ARFIP1: variants seen among roughly 807,000 people sequenced by gnomAD.
The protein encoded by ARFIP1 is ARF interacting protein 1, also known as arfaptin-1.
In ARFIP1, 24 loss-of-function variants were observed where a neutral mutation model predicts 42.5. The observed-to-expected ratio is 0.57, with a 90% confidence interval of 0.41 to 0.80. ARFIP1 has a LOEUF of 0.80. ARFIP1 is among the 30% of genes least tolerant of loss of function. ARFIP1 has a pLI of 0.00. For synonymous variants in ARFIP1, 141 were observed against 153.7 expected (o/e 0.92, Z 0.61); for missense variants, 354 against 434.0 (o/e 0.82, Z 1.64).
chr4:152,884,448 T>A lies in ARFIP1; in HGVS notation c.791+1568T>A, dbSNP rs188892157. On this transcript the variant is annotated intron_variant, in intron 7 of 8. Coordinates refer to ENST00000353617, the MANE Select transcript of ARFIP1 (RefSeq NM_001025595.3). ...CTAATTTGTTCATAATGGTACTGTT[T>A]CTTTTATCTCTAATCATTTTAAATA... 8.6e-4 allele frequency among the ~76,000 whole-genome samples: 131 copies of A among 152,176 alleles called. 2 individuals carry two copies. The East Asian group carries it at 0.02, about 24-fold the overall frequency.
At chr4:152,811,855 C>T (rs1364246891) in intron 1 of ARFIP1, among the ~76,000 whole-genome samples, 1 of 151,804 alleles carries the variant, frequency 6.6e-6, no homozygotes, top group Admixed American at 6.6e-5. Context: ...CTTATTCTGC[C>T]GATTTGTATG....
chr4:152,827,385 C>T (rs745611653), intron 1 of ARFIP1, among the ~76,000 whole-genome samples: 1 of 152,260 alleles, frequency 6.6e-6, no homozygotes, highest in East Asian at 1.9e-4. Flanking sequence ...GTGGTACATT[C>T]GTTAAAATTG....
At chr4:152,796,337 C>G in intron 1 of ARFIP1, 2 of 754,376 alleles carry the variant, frequency 2.7e-6, no homozygotes, top group Non-Finnish European at 4.6e-6. Flanking sequence ...CCTGATGAAT[C>G]TTTCATATTT....
At chr4:152,880,232 A>G (rs753482863) in intron 5 of ARFIP1, among the ~76,000 whole-genome samples, 1 of 152,088 alleles carries the variant, frequency 6.6e-6, no homozygotes, top group Non-Finnish European at 1.5e-5. Context: ...AATCTCAGCT[A>G]CTTAGGAGGC....
At chr4:152,824,961 C>T (rs964449772) in intron 1 of ARFIP1, among the ~76,000 whole-genome samples, 8 of 151,460 alleles carry the variant, frequency 5.3e-5, no homozygotes, top group South Asian at 2.1e-4. Context: ...TATACACACA[C>T]GCACACCACA....
At position 152,872,441 on chromosome 4, in the gene ARFIP1, T is replaced by C; in HGVS notation, c.299-11T>C. The C allele has an allele frequency of 6.4e-7, 1 of 1,555,992 alleles. No homozygotes were observed. Among genetic ancestry groups the C allele is most frequent in the Non-Finnish European group, 8.8e-7 (1 of 1,131,116 alleles). The stretch of plus-strand genomic sequence containing the variant: ...ATCTGGATTGTGTTTTTATCTTTTG[T>C]TATCTTGCAGGTGGCCAGAGAACAC... On this transcript the variant is annotated splice_polypyrimidine_tract_variant and intron_variant, in intron 4 of 8. Transcript: ENST00000353617.
intron 2 of ARFIP1, among the ~76,000 whole-genome samples, chr4:152,860,704 C>T (rs540737378): frequency 6.6e-6 from 1 of 152,170 alleles, no homozygotes. Context: ...CAATCCCCTC[C>T]GTTTAATTTA....
At chr4:152,831,653 G>C (rs868704318) in intron 2 of ARFIP1, among the ~76,000 whole-genome samples, 2 of 152,110 alleles carry the variant, frequency 1.3e-5, no homozygotes, top group African/African-American at 2.4e-5. Flanking sequence ...GCTTTTGGCT[G>C]TTTCTGAAAT....
intron 8 of ARFIP1, among the ~76,000 whole-genome samples, chr4:152,904,747 A>G (rs1314402940): frequency 6.6e-6 from 1 of 152,052 alleles, no homozygotes; most frequent in East Asian, 1.9e-4. Context: ...TTATGGCTAT[A>G]TAGTATTCCA....
At chr4:152,796,756 TC>T (rs1731494221) in intron 1 of ARFIP1, 1 of 753,552 alleles carries the variant, frequency 1.3e-6, no homozygotes. Context: ...TTCTCGACTT[TC>T]CTTCTTTCTC....
At chr4:152,867,068 G>A (rs1734453245) in intron 3 of ARFIP1, among the ~76,000 whole-genome samples, 1 of 146,532 alleles carries the variant, frequency 6.8e-6, no homozygotes, top group African/African-American at 2.8e-5. Flanking sequence ...GCCAGGCAGA[G>A]ACGCTCCTCA....
chr4:152,882,709 C>T lies in ARFIP1; in HGVS notation c.634-14C>T, dbSNP rs763397460. 6.8e-6 allele frequency: 11 copies of T among 1,609,648 alleles called. No individual in the cohort carries two copies. In the Middle Eastern group the frequency reaches 1.5e-3, roughly 219 times the overall value. On this transcript the variant is annotated splice_polypyrimidine_tract_variant and intron_variant, in intron 6 of 8. Coordinates refer to ENST00000353617, the MANE Select transcript of ARFIP1 (RefSeq NM_001025595.3). Reference sequence around the variant, plus strand: ...TTTATTACTGAATAAATTAAGGTGACTTCTTTGTTTTAGGAAGAATTTGGC... The same window carrying T: ...TTTATTACTGAATAAATTAAGGTGATTTCTTTGTTTTAGGAAGAATTTGGC...
intron 1 of ARFIP1, among the ~76,000 whole-genome samples, chr4:152,794,518 TG>T (rs969399855): frequency 2.8e-4 from 42 of 152,292 alleles, no homozygotes; most frequent in Admixed American, 1.4e-3. Context: ...CTTGATCACT[TG>T]GTTGAGTGTG....
intron 1 of ARFIP1, among the ~76,000 whole-genome samples, chr4:152,806,800 CT>C (rs33959288): frequency 0.14 from 20,603 of 149,282 alleles, 1,492 homozygotes; most frequent in African/African-American, 0.18. Context: ...TTGTGCCTGA[CT>C]TTTTTTTTTT....
intron 8 of ARFIP1, 114 bp from the exon 9 acceptor site, chr4:152,909,950 G>A: frequency 2.2e-6 from 3 of 1,352,160 alleles, no homozygotes; most frequent in Non-Finnish European, 3.0e-6. Flanking sequence ...TCATTATTAA[G>A]CCAGCTTTTC....
At chr4:152,837,166 A>T (rs1403982733) in intron 2 of ARFIP1, among the ~76,000 whole-genome samples, 1 of 152,072 alleles carries the variant, frequency 6.6e-6, no homozygotes, top group African/African-American at 2.4e-5. Context: ...CAGTTTCTTT[A>T]TATACTCATT....
At chr4:152,883,340 A>T (rs553558107) in intron 7 of ARFIP1, 69 of 152,602 alleles carry the variant, frequency 4.5e-4, no homozygotes, top group African/African-American at 1.6e-3. Context: ...GGTCCTCTAT[A>T]CTCTCGCCTA....
rs374811583 is a variant in ARFIP1 at position 152,899,372 on chromosome 4, A to C, written c.967-10692A>C. On this transcript the variant is annotated intron_variant, in intron 8 of 8. Transcript: ENST00000353617. ...TCACTACCCCTAACTGTAACTATGG[A>C]CTTCTGTGTGGTTTTGTAAAGAGGA... Among the ~76,000 whole-genome samples the C allele has an allele frequency of 7.9e-5, 12 of 152,088 alleles. No individual in the cohort carries two copies. In the South Asian group the frequency reaches 1.0e-3, roughly 13 times the overall value.
At chr4:152,873,495 A>G (rs1323303153) in intron 5 of ARFIP1, among the ~76,000 whole-genome samples, 1 of 152,224 alleles carries the variant, frequency 6.6e-6, no homozygotes. Context: ...TATTTAGCTC[A>G]TGAAAGTGTA....
Sources: allele counts gnomAD v4.1 joint callset (sites outside exome capture counted in the v4.1 genomes callset), GRCh38; gene constraint gnomAD v4.1.1; transcripts MANE v1.5; gene names NCBI Gene and HGNC (gene_info 2026-07-23, HGNC 2026-07-21).